The following ENG variants were observed in gnomAD, a reference collection of about 807,000 sequenced individuals.
ENG encodes the protein CD105 antigen.
ENG carries 17 observed loss-of-function variants against 71.0 expected under a neutral mutation model. The ratio of observed to expected loss-of-function variants is 0.24; its 90% CI spans 0.16 to 0.36. ENG has a LOEUF of 0.36. ENG is among the 10% of genes least tolerant of loss of function. ENG has a pLI of 1.00. For missense variants in ENG, 749 were observed against 868.3 expected, an observed-to-expected ratio of 0.86 and a Z score of 1.73; for synonymous variants, 360 against 366.9, an observed-to-expected ratio of 0.98 and a Z score of 0.21.
chr9:127,840,469 G>A (rs1019873505), intron 2 of ENG, among the ~76,000 whole-genome samples: 3 of 152,166 alleles, frequency 2.0e-5, no homozygotes, highest in Admixed American at 6.5e-5. Flanking sequence ...GGTGGCAGAC[G>A]CCTGTAATCC....
At chr9:127,841,341 C>G (rs1175089704) in intron 2 of ENG, 1 of 152,262 alleles carries the variant, frequency 6.6e-6, no homozygotes, top group Non-Finnish European at 1.5e-5. Flanking sequence ...TAGACACCTG[C>G]CTAGGGGCCC....
At chr9:127,825,606 T>G in intron 5 of ENG, 89 bp downstream of exon 5, 38 of 1,144,164 alleles carry the variant, frequency 3.3e-5, no homozygotes, top group Non-Finnish European at 4.3e-5. Context: ...GGGTGGGGCT[T>G]TATAAGGGAC....
chr9:127,816,115 G>A, intron 13 of ENG, 62 bp from the exon 14 acceptor site: 1 of 1,567,814 alleles, frequency 6.4e-7, no homozygotes. Context: ...CTACCCTGTT[G>A]TGCTGGCCCA....
intron 8 of ENG, among the ~76,000 whole-genome samples, chr9:127,821,910 C>T (rs1329244513): frequency 1.5e-5 from 2 of 132,448 alleles, no homozygotes; most frequent in African/African-American, 2.9e-5. Flanking sequence ...AAAAGCCAGG[C>T]GTGGTGGTGC....
At chr9:127,839,776 G>A (rs995857384) in intron 2 of ENG, among the ~76,000 whole-genome samples, 10 of 152,040 alleles carry the variant, frequency 6.6e-5, no homozygotes, top group Non-Finnish European at 1.5e-4. Flanking sequence ...GGCTAGTCTC[G>A]AACTCCTGAC....
intron 2 of ENG, among the ~76,000 whole-genome samples, chr9:127,830,896 A>G (rs1830750309): frequency 6.6e-6 from 1 of 152,034 alleles, no homozygotes; most frequent in Admixed American, 6.6e-5. Context: ...ACCGTTTTAA[A>G]GTACTAAAAT....
At chr9:127,844,630 T>A (rs2131922053) in intron 1 of ENG, among the ~76,000 whole-genome samples, 1 of 151,992 alleles carries the variant, frequency 6.6e-6, no homozygotes, top group Middle Eastern at 3.4e-3. Context: ...GGTTTCACCA[T>A]GTTGCTCAAG....
intron 5 of ENG, 84 bp downstream of exon 5, chr9:127,825,611 A>C (rs1830591679): frequency 2.7e-6 from 3 of 1,104,096 alleles, no homozygotes; most frequent in Non-Finnish European, 3.5e-6. Context: ...GGGCTTTATA[A>C]GGGACCGGAG....
At chr9:127,818,054 C>G in intron 12 of ENG, 66 bp downstream of exon 12, 2 of 1,612,002 alleles carry the variant, frequency 1.2e-6, no homozygotes, top group Non-Finnish European at 1.7e-6. Context: ...CTGCCATGTC[C>G]CTTCCTGCAA....
At chr9:127,824,173 G>A in intron 8 of ENG, 131 bp downstream of exon 8, 2 of 1,301,902 alleles carry the variant, frequency 1.5e-6, no homozygotes. Flanking sequence ...CATTATACAA[G>A]TGGGAAAACT....
intron 1 of ENG, among the ~76,000 whole-genome samples, chr9:127,845,005 G>C (rs1831136259): frequency 1.3e-5 from 2 of 152,196 alleles, no homozygotes; most frequent in South Asian, 4.1e-4. Flanking sequence ...ATTTCACCCT[G>C]ACCCAGCAGG....
rs1232303758 is a variant in ENG, at chr9:127,816,484, A to G, written c.1742-431T>C. 6.4e-5 allele frequency: 20 copies of G among 314,526 alleles called. 1 individual carries two copies. Among genetic ancestry groups the G allele is most frequent in the South Asian group, 6.1e-4 (20 of 32,784 alleles). 19.5% of individuals were successfully genotyped at this position (314,526 alleles called of 1,614,324 possible). ...GAGTGCCCTGCAGCTCTGCTCTTGG[A>G]TTGCTCCAAGCCTCATTCCCTCCAC... On this transcript the variant is annotated intron_variant, in intron 13 of 14. Coordinates refer to ENST00000373203, the MANE Select transcript of ENG (RefSeq NM_001114753.3).
At position 127,815,995 on chromosome 9, in the gene ENG, G is replaced by A. The variant is rs1830302224; in HGVS notation, c.1800C>T (p.Phe600=). The A allele has an allele frequency of 6.2e-7, 1 of 1,610,146 alleles. No homozygotes were observed. The highest frequency in any genetic ancestry group is 8.5e-7 in the Non-Finnish European group (1 of 1,178,738). ...PAVLGITFGA[F]LIGALLTAAL... ...CAGCAGTGAGCAGGGCCCCGATGAG[G>A]AAGGCACCAAAGGTGATGCCCAGCA... Residue 600 remains phenylalanine, a synonymous_variant, in exon 14 of 15, where the codon TTC becomes TTT. Transcript: ENST00000373203.
intron 2 of ENG, among the ~76,000 whole-genome samples, chr9:127,832,402 G>C (rs927914669): frequency 6.6e-6 from 1 of 152,086 alleles, no homozygotes; most frequent in African/African-American, 2.4e-5. Flanking sequence ...TTACAGATGA[G>C]GGAACCAAGA....
intron 2 of ENG, among the ~76,000 whole-genome samples, chr9:127,831,237 T>G (rs1438362422): frequency 6.6e-6 from 1 of 151,552 alleles, no homozygotes; most frequent in Non-Finnish European, 1.5e-5. Context: ...CTCGGCTCAC[T>G]GCAACCTCTG....
At chr9:127,824,188 C>A (rs1425194325) in intron 8 of ENG, 116 bp downstream of exon 8, 1 of 1,465,772 alleles carries the variant, frequency 6.8e-7, no homozygotes, top group East Asian at 2.3e-5. Flanking sequence ...AAAACTAAGG[C>A]TTGCAGAGGG....
At chr9:127,852,230 C>T (rs1055404808) in intron 1 of ENG, among the ~76,000 whole-genome samples, 3 of 152,110 alleles carry the variant, frequency 2.0e-5, no homozygotes, top group Non-Finnish European at 4.4e-5. Flanking sequence ...CAGAGTTGGA[C>T]GAATAACTTT....
At chr9:127,826,059 C>T (rs898126170) in intron 4 of ENG, among the ~76,000 whole-genome samples, 199 bp from the exon 5 acceptor site, 4 of 152,160 alleles carry the variant, frequency 2.6e-5, no homozygotes, top group Non-Finnish European at 4.4e-5. Flanking sequence ...CCCGGGCCTC[C>T]GTGTGTTAAC....
rs570525006 is a variant in ENG at position 127,818,920 on chromosome 9, C to G, written c.1312-88G>C. ...GTGGGGAGGAACAGGCATCATGGCC[C>G]TGTGGAGTTGCCTGACTCTCTTTTT... On this transcript the variant is annotated intron_variant, in intron 10 of 14. Transcript: ENST00000373203. 8 of 1,131,286 alleles carry G rather than the reference C, an allele frequency of 7.1e-6. No homozygotes were observed. The African/African-American group carries it at 1.2e-4, about 18-fold the overall frequency. 70.1% of individuals were successfully genotyped at this position (1,131,286 alleles called of 1,614,324 possible).
Sources: allele counts gnomAD v4.1 joint callset (sites outside exome capture counted in the v4.1 genomes callset), GRCh38; gene constraint gnomAD v4.1.1; transcripts MANE v1.5; gene names NCBI Gene and HGNC (gene_info 2026-07-23, HGNC 2026-07-21).